ASCC3: variants seen among roughly 807,000 people sequenced by gnomAD.
ASCC3 encodes the protein ASC-1 complex subunit P200.
In ASCC3, 158 loss-of-function variants were observed where a neutral mutation model predicts 256.3. The ratio of observed to expected loss-of-function variants is 0.62; its 90% confidence interval spans 0.54 to 0.70. The LOEUF (loss-of-function observed/expected upper bound fraction) is 0.70. Among genes scored for constraint, ASCC3 ranks in the 30% least tolerant of loss-of-function variants. ASCC3 has a pLI of 0.00. For synonymous variants in ASCC3, 948 were observed against 883.4 expected, an observed-to-expected ratio of 1.07 and a Z score of -1.30; for missense variants, 2,259 against 2,626.0, an observed-to-expected ratio of 0.86 and a Z score of 3.05.
At chr6:100,769,751 G>GAA (rs1430137232) in intron 8 of ASCC3, among the ~76,000 whole-genome samples, 2 of 151,708 alleles carry the variant, frequency 1.3e-5, no homozygotes, top group South Asian at 2.1e-4. Context: ...TCAAGAGTGA[G>GAA]AAAAGTGGCA....
chr6:100,871,015 A>G (rs766426643), intron 1 of ASCC3, among the ~76,000 whole-genome samples: 1 of 152,168 alleles, frequency 6.6e-6, no homozygotes, highest in Non-Finnish European at 1.5e-5. Flanking sequence ...GAAAATTTAC[A>G]TTTCCAACAA....
chr6:100,829,930 A>C (rs1396961478), intron 4 of ASCC3, among the ~76,000 whole-genome samples: 2 of 152,114 alleles, frequency 1.3e-5, no homozygotes, highest in East Asian at 1.9e-4. Context: ...GTGATACTGC[A>C]ACAGTCGATC....
chr6:100,675,460 G>A (rs1776962570), intron 14 of ASCC3, among the ~76,000 whole-genome samples: 1 of 152,076 alleles, frequency 6.6e-6, no homozygotes, highest in Non-Finnish European at 1.5e-5. Flanking sequence ...CAAAATTAAA[G>A]CAAGCTGTAA....
intron 16 of ASCC3, among the ~76,000 whole-genome samples, chr6:100,657,431 G>A (rs1775969477): frequency 6.6e-6 from 1 of 151,366 alleles, no homozygotes; most frequent in Admixed American, 6.6e-5. Context: ...AAACTAGTTT[G>A]GTGATATAGC....
intron 19 of ASCC3, among the ~76,000 whole-genome samples, chr6:100,651,018 G>A (rs886989589): frequency 3.3e-5 from 5 of 151,720 alleles, no homozygotes; most frequent in Non-Finnish European, 5.9e-5. Context: ...TTGAATTGAT[G>A]AGATTTCATA....
chr6:100,531,586 C>T (rs1287778822), intron 37 of ASCC3, among the ~76,000 whole-genome samples: 3 of 150,612 alleles, frequency 2.0e-5, no homozygotes, highest in Non-Finnish European at 4.4e-5. Flanking sequence ...TTTTTCCTGG[C>T]AAATGACATG....
intron 11 of ASCC3, among the ~76,000 whole-genome samples, chr6:100,725,208 A>G (rs996485819): frequency 1.3e-5 from 2 of 152,030 alleles, no homozygotes; most frequent in Admixed American, 1.3e-4. Flanking sequence ...TCTATTTTCT[A>G]TATATGTACA....
chr6:100,724,219 C>A (rs1485757801), intron 11 of ASCC3, among the ~76,000 whole-genome samples: 3 of 146,002 alleles, frequency 2.1e-5, no homozygotes, highest in African/African-American at 5.0e-5. Flanking sequence ...AGTCAAAGAG[C>A]AAAGAGTTTC....
chr6:100,832,768 A>G (rs960785373), intron 4 of ASCC3, among the ~76,000 whole-genome samples: 2 of 152,098 alleles, frequency 1.3e-5, no homozygotes, highest in African/African-American at 4.8e-5. Context: ...TATCAATCCC[A>G]CAGACAATAT....
chr6:100,792,454 T>A (rs1421274821), intron 8 of ASCC3, among the ~76,000 whole-genome samples: 1 of 151,902 alleles, frequency 6.6e-6, no homozygotes, highest in African/African-American at 2.4e-5. Flanking sequence ...GTGCTTGATA[T>A]CCAAAGGTAA....
chr6:100,828,958 G>C (rs1055883742), intron 4 of ASCC3, among the ~76,000 whole-genome samples: 4 of 152,052 alleles, frequency 2.6e-5, no homozygotes, highest in Admixed American at 2.6e-4. Flanking sequence ...TGTTTTGACA[G>C]GGTGCTGATT....
chr6:100,723,863 TATATATATATA>T (rs1779463327), intron 11 of ASCC3, among the ~76,000 whole-genome samples: 5 of 6,710 alleles, frequency 7.5e-4, no homozygotes, highest in African/African-American at 1.6e-3. Context: ...TAGGGAATTA[TATATATATATA>T]TATATATATA....
intron 34 of ASCC3, among the ~76,000 whole-genome samples, chr6:100,597,953 G>A (rs1173420996): frequency 4.3e-5 from 6 of 140,302 alleles, no homozygotes; most frequent in East Asian, 2.1e-4. Context: ...CAGCCTGGGC[G>A]ACAGAGCGAG....
Position 100,661,713 on chromosome 6 carries a change from C to T in ASCC3, c.2703+93G>A, listed in dbSNP as rs1208084989. 6.2e-6 allele frequency: 8 copies of T among 1,295,342 alleles called. No individual in the cohort carries two copies. In the African/African-American group the frequency reaches 8.8e-5, roughly 14 times the overall value. 80.2% of individuals were successfully genotyped at this position (1,295,342 alleles called of 1,614,324 possible). A position where few individuals can be genotyped will look rare whatever the true frequency, so the allele number is the denominator to read the frequency against. ...ATATGGCATAGGCTGTAATCCTAAA[C>T]ACTACAAAACAGCAACCAACTCAAT... On this transcript the variant is annotated intron_variant, in intron 16 of 41. Transcript: ENST00000369162.
chr6:100,850,851 A>G (rs1490138970), intron 3 of ASCC3, among the ~76,000 whole-genome samples: 2 of 152,168 alleles, frequency 1.3e-5, no homozygotes, highest in Non-Finnish European at 2.9e-5. Context: ...ATAACTTGTA[A>G]AACAGGATTT....
At position 100,530,351 on chromosome 6, in the gene ASCC3, C is replaced by T. The variant is rs1045960530; in HGVS notation, c.5775+9812G>A. On this transcript the variant is annotated intron_variant, in intron 37 of 41. Coordinates refer to ENST00000369162, the MANE Select transcript of ASCC3 (RefSeq NM_006828.4). ...CTTCACACAATCTAGTGAAAAAAACCGCAGTAAGTTGTCTATCTCAAAATG... is the reference window on the plus strand; with the variant it reads ...CTTCACACAATCTAGTGAAAAAAACTGCAGTAAGTTGTCTATCTCAAAATG... The T allele has an allele frequency of 1.1e-5, 15 of 1,356,596 alleles. 1 individual carries two copies. Among genetic ancestry groups the T allele is most frequent in the East Asian group, 9.2e-5 (4 of 43,606 alleles). The allele number at this position is 1,356,596 out of a possible 1,614,324, so 84.0% of individuals were successfully genotyped here.
chr6:100,859,868 T>C (rs1421862202), intron 3 of ASCC3, among the ~76,000 whole-genome samples: 2 of 152,026 alleles, frequency 1.3e-5, no homozygotes, highest in Non-Finnish European at 1.5e-5. Flanking sequence ...TCTGGCTGAG[T>C]CTTGATTTGC....
In ASCC3 at chr6:100,679,723, G is replaced by C; in HGVS notation, c.2181C>G (p.Ala727=). The C allele has an allele frequency of 6.2e-7, 1 of 1,613,396 alleles. No homozygotes were observed. ...TTAGAGACATAGCTGTTCTTACAGT[G>C]GCATTTCGAGCATGTACAAACACCA... The part of the protein sequence containing the change: ...QVMVFVHARN[A]TVRTAMSLIE... Residue 727 remains alanine, a synonymous_variant, in exon 14 of 42, where the codon GCC becomes GCG. Coordinates refer to ENST00000369162, the MANE Select transcript of ASCC3 (RefSeq NM_006828.4).
intron 30 of ASCC3, among the ~76,000 whole-genome samples, chr6:100,614,996 TTTTTA>T (rs1562168761): frequency 6.6e-6 from 1 of 151,882 alleles, no homozygotes; most frequent in African/African-American, 2.4e-5. Flanking sequence ...CAGCTACTAA[TTTTTA>T]TTTTTTTTTT....
Sources: allele counts gnomAD v4.1 joint callset (sites outside exome capture counted in the v4.1 genomes callset), GRCh38; gene constraint gnomAD v4.1.1; transcripts MANE v1.5; gene names NCBI Gene and HGNC (gene_info 2026-07-23, HGNC 2026-07-21).